IQCM: variants seen among roughly 807,000 people sequenced by gnomAD.
IQCM encodes the protein IQ motif containing M.
A neutral mutation model predicts 57.6 loss-of-function variants in IQCM; 45 were observed. The observed-to-expected ratio is 0.78, with a 90% CI of 0.62 to 1.00. The LOEUF (loss-of-function observed/expected upper bound fraction) is 1.00, where lower values mean the gene tolerates loss of function less well. IQCM is among the 50% of genes least tolerant of loss of function. The probability of loss-of-function intolerance (pLI) is 0.00; values close to 1 mark genes in which losing one functional copy is unlikely to be tolerated. For missense variants in IQCM, 468 were observed against 511.6 expected (o/e 0.91, Z 0.82); for synonymous variants, 148 against 158.9 (o/e 0.93, Z 0.51).
chr4:149,655,433 A>G (rs1374001220), intron 7 of IQCM, among the ~76,000 whole-genome samples: 1 of 152,180 alleles, frequency 6.6e-6, no homozygotes, highest in Admixed American at 6.6e-5. Context: ...AATTTTGTTT[A>G]GAATTTGATA....
chr4:149,492,237 G>A (rs2149777292), intron 12 of IQCM, among the ~76,000 whole-genome samples: 1 of 152,056 alleles, frequency 6.6e-6, no homozygotes, highest in Admixed American at 6.6e-5. Flanking sequence ...TCTTAAATAG[G>A]TCTTTGATCA....
At chr4:149,732,045 T>C (rs182073851) in intron 5 of IQCM, among the ~76,000 whole-genome samples, 13 of 152,130 alleles carry the variant, frequency 8.5e-5, no homozygotes, top group Admixed American at 8.5e-4. Context: ...CTCACTTAGC[T>C]CTCTGTCATC....
intron 12 of IQCM, among the ~76,000 whole-genome samples, chr4:149,481,494 A>G (rs1579209267): frequency 6.6e-6 from 1 of 152,100 alleles, no homozygotes; most frequent in Non-Finnish European, 1.5e-5. Flanking sequence ...TTTTCTCAGC[A>G]CCATTTATTA....
chr4:149,372,940 C>G (rs1730460342), intron 13 of IQCM, among the ~76,000 whole-genome samples: 1 of 152,062 alleles, frequency 6.6e-6, no homozygotes, highest in Admixed American at 6.6e-5. Flanking sequence ...CCAATCCAGA[C>G]AGTTTCATGC....
intron 5 of IQCM, among the ~76,000 whole-genome samples, chr4:149,714,924 C>T (rs1561190808): frequency 6.6e-6 from 1 of 152,316 alleles, no homozygotes; most frequent in Middle Eastern, 3.4e-3. Context: ...GGCAAGATTT[C>T]ATCTCCCTAC....
At chr4:149,402,866 A>G (rs1243865309) in intron 13 of IQCM, among the ~76,000 whole-genome samples, 1 of 151,886 alleles carries the variant, frequency 6.6e-6, no homozygotes, top group Non-Finnish European at 1.5e-5. Context: ...GGAGTAGTTC[A>G]TTTCATTTCA....
At chr4:149,432,048 T>C (rs1039809479) in intron 13 of IQCM, among the ~76,000 whole-genome samples, 1 of 151,464 alleles carries the variant, frequency 6.6e-6, no homozygotes, top group African/African-American at 2.4e-5. Flanking sequence ...TGTAAATAAA[T>C]GTTTTCTTTT....
At chr4:149,407,304 C>T (rs759073025) in intron 13 of IQCM, among the ~76,000 whole-genome samples, 2 of 152,084 alleles carry the variant, frequency 1.3e-5, no homozygotes, top group Non-Finnish European at 2.9e-5. Flanking sequence ...TAAATTGTAA[C>T]ATCATTTTGA....
chr4:149,651,701 T>C (rs1325246463), intron 7 of IQCM, among the ~76,000 whole-genome samples: 1 of 152,004 alleles, frequency 6.6e-6, no homozygotes, highest in East Asian at 1.9e-4. Context: ...GGAAAAAAAA[T>C]GTTGACACTA....
At chr4:149,456,119 G>T (rs1478973969) in intron 12 of IQCM, among the ~76,000 whole-genome samples, 1 of 152,106 alleles carries the variant, frequency 6.6e-6, no homozygotes, top group Admixed American at 6.6e-5. Context: ...TACATGACAT[G>T]AGAGTGTTCA....
chr4:149,699,450 C>T (rs774174210), intron 5 of IQCM, among the ~76,000 whole-genome samples: 1 of 151,960 alleles, frequency 6.6e-6, no homozygotes, highest in Non-Finnish European at 1.5e-5. Flanking sequence ...CCAACAATAA[C>T]AGATATGGCT....
chr4:149,608,679 T>G (rs1264621760), intron 8 of IQCM, among the ~76,000 whole-genome samples: 2 of 151,664 alleles, frequency 1.3e-5, no homozygotes, highest in African/African-American at 4.8e-5. Context: ...AATTAAAAAA[T>G]TAAGAAACAA....
intron 13 of IQCM, among the ~76,000 whole-genome samples, chr4:149,387,697 G>A (rs1731520410): frequency 6.6e-6 from 1 of 151,836 alleles, no homozygotes; most frequent in Admixed American, 6.6e-5. Flanking sequence ...TTTATTTCAT[G>A]AACCATAAAT....
At position 149,368,893 on chromosome 4, in the gene IQCM, T is replaced by C. The variant is rs1358061765; in HGVS notation, c.1391-16827A>G. Among the ~76,000 whole-genome samples, 46 of 91,838 alleles carry C rather than the reference T, an allele frequency of 5.0e-4. 1 individual carries two copies. Among genetic ancestry groups the C allele is most frequent in the East Asian group, 1.4e-3 (5 of 3,486 alleles). The allele number at this position is 91,838 out of a possible 152,430, so 60.2% of individuals were successfully genotyped here. A position where few individuals can be genotyped will look rare whatever the true frequency, so the allele number is the denominator to read the frequency against. On this transcript the variant is annotated intron_variant, in intron 13 of 13. Transcript: ENST00000636793. The stretch of plus-strand genomic sequence containing the variant: ...ATATATACACGTGTATATATATGTA[T>C]ATATATACACGTGTATATATATGTG...
At chr4:149,449,565 A>G (rs1218780527) in intron 12 of IQCM, among the ~76,000 whole-genome samples, 2 of 151,202 alleles carry the variant, frequency 1.3e-5, no homozygotes, top group African/African-American at 2.4e-5. Context: ...CTATATGCCA[A>G]CAGTGAACAA....
rs1022319702 is a variant in IQCM, at chr4:149,610,555, G to T, written c.681+10574C>A. Among the ~76,000 whole-genome samples, 5 of 152,010 alleles carry T rather than the reference G, an allele frequency of 3.3e-5. No individual in the cohort carries two copies. The South Asian group carries it at 1.0e-3, about 32-fold the overall frequency. On this transcript the variant is annotated intron_variant, in intron 8 of 13. Coordinates refer to ENST00000636793, the MANE Select transcript of IQCM (RefSeq NM_001363507.2). ...CCAGTGGAACAGAACAGAGAAACAA[G>T]AAGTAAATTCATGTATTTACAGTAA...
chr4:149,548,500 G>A lies in IQCM; in HGVS notation c.1183C>T (p.Pro395Ser), dbSNP rs967187495. ...PNFFSDCGHF[P>S]TQKQVDDTWD... ...GTATCATCAACTTGTTTCTGAGTTG[G>A]GAAATGACCACAGTCACTGAAGAAA... Residue 395 changes from proline to serine, a missense_variant, in exon 12 of 14, where the codon CCA (proline) becomes TCA (serine). Physicochemically the swap from Pro to Ser is moderately conservative, Grantham distance 74. Transcript: ENST00000636793. 2.4e-6 allele frequency: 3 copies of A among 1,231,790 alleles called. No homozygotes were observed. Among genetic ancestry groups the A allele is most frequent in the Non-Finnish European group, 3.0e-6 (3 of 987,774 alleles). 76.3% of individuals were successfully genotyped at this position (1,231,790 alleles called of 1,614,324 possible). A position where few individuals can be genotyped will look rare whatever the true frequency, so the allele number is the denominator to read the frequency against.
chr4:149,361,060 A>G (rs1729445066), intron 13 of IQCM, among the ~76,000 whole-genome samples: 1 of 152,146 alleles, frequency 6.6e-6, no homozygotes, highest in Non-Finnish European at 1.5e-5. Flanking sequence ...AGCTGTTGGG[A>G]ACTGGAGTAA....
At chr4:149,769,560 A>G (rs913207200) in intron 2 of IQCM, among the ~76,000 whole-genome samples, 1 of 152,060 alleles carries the variant, frequency 6.6e-6, no homozygotes, top group Non-Finnish European at 1.5e-5. Flanking sequence ...ATAGCTAAAA[A>G]AAAAAAAAGT....
Sources: gnomAD v4.1 joint callset for allele counts (sites outside exome capture counted in the v4.1 genomes callset) on GRCh38, gnomAD v4.1.1 for gene constraint, MANE v1.5 for transcripts, NCBI Gene and HGNC (gene_info 2026-07-23, HGNC 2026-07-21) for gene names.